Variants in RHEB observed in about 807,000 individuals in gnomAD.
RHEB encodes the protein Ras homolog, mTORC1 binding.
In RHEB, 2 loss-of-function variants were observed where a neutral mutation model predicts 28.8. The observed-to-expected ratio is 0.07, with a 90% CI of 0.03 to 0.22. The LOEUF is 0.22. Among genes scored for constraint, RHEB ranks in the 10% least tolerant of loss-of-function variants. The probability of loss-of-function intolerance (pLI) is 1.00; values close to 1 mark genes in which losing one functional copy is unlikely to be tolerated. For synonymous variants in RHEB, 69 were observed against 77.3 expected, an observed-to-expected ratio of 0.89 and a Z score of 0.56; for missense variants, 76 against 219.9, an observed-to-expected ratio of 0.35 and a Z score of 4.14.
At chr7:151,517,323 G>A (rs911304417) in intron 1 of RHEB, among the ~76,000 whole-genome samples, 19 of 149,510 alleles carry the variant, frequency 1.3e-4, no homozygotes, top group Admixed American at 3.4e-4. Context: ...AGCCGAGATC[G>A]CGCCATTGCA....
rs200443188 is a variant in RHEB, at chr7:151,506,153, G to GA, written c.52+13306dup. 3.2e-3 allele frequency among the ~76,000 whole-genome samples: 482 copies of GA among 149,282 alleles called. 13 individuals carry two copies. The East Asian group carries it at 0.075, about 23-fold the overall frequency. On this transcript the variant is annotated intron_variant, in intron 1 of 7. Transcript: ENST00000262187. Reference sequence around the variant, plus strand: ...TTACACCTCAATAAACTTGATTTAGGAAAAAAAGATTTTTTTTAAAAGATA... The same window carrying GA: ...TTACACCTCAATAAACTTGATTTAGGAAAAAAAAGATTTTTTTTAAAAGATA...
chr7:151,499,295 T>C (rs1483914454), intron 1 of RHEB, among the ~76,000 whole-genome samples: 2 of 152,084 alleles, frequency 1.3e-5, no homozygotes, highest in African/African-American at 2.4e-5. Flanking sequence ...GAGGCAGAGG[T>C]TGCAGTGAGC....
At chr7:151,479,342 G>A (rs994840544) in intron 3 of RHEB, among the ~76,000 whole-genome samples, 3 of 152,094 alleles carry the variant, frequency 2.0e-5, no homozygotes, top group African/African-American at 4.8e-5. Flanking sequence ...AGATGAAAAC[G>A]ATGCGTATGA....
intron 6 of RHEB, among the ~76,000 whole-genome samples, chr7:151,471,062 C>A (rs73729813): frequency 3.1e-4 from 47 of 152,382 alleles, no homozygotes; most frequent in African/African-American, 1.1e-3. Flanking sequence ...GCTGCCTGGG[C>A]AGGGGACATC....
intron 1 of RHEB, among the ~76,000 whole-genome samples, chr7:151,511,765 C>T (rs757359841): frequency 3.9e-5 from 6 of 152,038 alleles, no homozygotes; most frequent in Admixed American, 3.3e-4. Context: ...TCCTGCAGGC[C>T]TCAGCCTCCC....
rs965231748 is a variant in RHEB at position 151,498,259 on chromosome 7, C to T, written c.53-7245G>A. 2.7e-5 allele frequency: 18 copies of T among 673,686 alleles called. No homozygotes were observed. The African/African-American group carries it at 3.0e-4, about 11-fold the overall frequency. The allele number at this position is 673,686 out of a possible 1,614,324, so 41.7% of individuals were successfully genotyped here. The stretch of plus-strand genomic sequence containing the variant: ...AAGAGGAAGAGAAGCAGCTCTCTAA[C>T]TTTAGGGGAAACATCAATGAAAGAA... On this transcript the variant is annotated intron_variant, in intron 1 of 7. Transcript: ENST00000262187.
rs571491506 is a variant in RHEB, at chr7:151,479,649, C to A, written c.193-2234G>T. 1.7e-4 allele frequency among the ~76,000 whole-genome samples: 25 copies of A among 148,210 alleles called. No homozygotes were observed. The South Asian group carries it at 5.3e-3, about 32-fold the overall frequency. On this transcript the variant is annotated intron_variant, in intron 3 of 7. Coordinates refer to ENST00000262187, the MANE Select transcript of RHEB (RefSeq NM_005614.4). ...AGTGAGCCGAGATCGCGCCACAGCA[C>A]TCCAGCCTGGGCGATAGAGCGAGAC...
intron 1 of RHEB, chr7:151,498,052 A>C: frequency 1.7e-6 from 2 of 1,178,114 alleles, no homozygotes; most frequent in South Asian, 2.5e-5. Context: ...ACCTTACAGA[A>C]AATGATCTCA....
Position 151,466,377 on chromosome 7 carries a change from A to G in RHEB, c.*742T>C, listed in dbSNP as rs1802060661. 6.6e-6 allele frequency: 1 copy of G among 152,358 alleles called. No individual in the cohort carries two copies. The highest frequency in any genetic ancestry group is 2.1e-4 in the South Asian group (1 of 4,828). The allele number at this position is 152,358 out of a possible 1,614,324, so 9.4% of individuals were successfully genotyped here. A position where few individuals can be genotyped will look rare whatever the true frequency, so the allele number is the denominator to read the frequency against. On this transcript the variant is annotated 3_prime_UTR_variant, in exon 8 of 8. Coordinates refer to ENST00000262187, the MANE Select transcript of RHEB (RefSeq NM_005614.4). ...GCAAGGGCGAACAATGCCTCTCAGC[A>G]GCTCCTCCTCCTTGACCAGGCTCCC... is the stretch of plus-strand genomic sequence containing the variant.
intron 1 of RHEB, among the ~76,000 whole-genome samples, chr7:151,511,152 T>A (rs1584868622): frequency 6.6e-6 from 1 of 152,120 alleles, no homozygotes; most frequent in African/African-American, 2.4e-5. Context: ...CACAGAAGTC[T>A]TAGAAAAGCA....
chr7:151,501,251 T>C (rs1241926639), intron 1 of RHEB, among the ~76,000 whole-genome samples: 1 of 152,188 alleles, frequency 6.6e-6, no homozygotes, highest in Non-Finnish European at 1.5e-5. Context: ...TTCACTCTCA[T>C]AACTCAACAA....
rs534393798 is a variant in RHEB at position 151,511,572 on chromosome 7, CTT to C, written c.52+7886_52+7887del. Among the ~76,000 whole-genome samples, 231 of 145,860 alleles carry C rather than the reference CTT, an allele frequency of 1.6e-3. 2 individuals carry two copies. The highest frequency in any genetic ancestry group is 5.6e-3 in the African/African-American group (223 of 40,028). On this transcript the variant is annotated intron_variant, in intron 1 of 7. Transcript: ENST00000262187. ...TAAAGCTCCAATCCTACAGGAACTC[CTT>C]TTTTTTTTTTAATAACCAGAAGCCC...
At chr7:151,491,797 T>G (rs778672825) in intron 1 of RHEB, among the ~76,000 whole-genome samples, 19 of 152,164 alleles carry the variant, frequency 1.2e-4, no homozygotes, top group Non-Finnish European at 2.5e-4. Flanking sequence ...AAAAACTCCT[T>G]TGAAGCTAGA....
chr7:151,474,549 T>C, intron 4 of RHEB, among the ~76,000 whole-genome samples: 1 of 152,164 alleles, frequency 6.6e-6, no homozygotes. Context: ...TATATCAATA[T>C]ACCCAATTTA....
chr7:151,483,718 T>G (rs57799189), intron 3 of RHEB, among the ~76,000 whole-genome samples: 1 of 151,834 alleles, frequency 6.6e-6, no homozygotes, highest in South Asian at 2.1e-4. Flanking sequence ...CTCAAAAAAA[T>G]GTTGCAAGGG....
intron 2 of RHEB, among the ~76,000 whole-genome samples, chr7:151,487,088 G>A (rs769988653): frequency 1.3e-5 from 2 of 152,246 alleles, no homozygotes; most frequent in Admixed American, 6.5e-5. Flanking sequence ...AGGACTGCTT[G>A]AGGCCTGGAG....
intron 2 of RHEB, among the ~76,000 whole-genome samples, chr7:151,489,516 C>G (rs766571202): frequency 2.6e-5 from 4 of 152,218 alleles, no homozygotes; most frequent in Non-Finnish European, 5.9e-5. Flanking sequence ...TCCTTCTCTG[C>G]TACCAGCACA....
chr7:151,501,966 C>T (rs931285762), intron 1 of RHEB: 36 of 634,650 alleles, frequency 5.7e-5, no homozygotes, highest in South Asian at 3.5e-4. Flanking sequence ...GGCTGGGCGC[C>T]GTGGCTCACG....
At chr7:151,498,133 A>C in intron 1 of RHEB, 1 of 1,289,686 alleles carries the variant, frequency 7.8e-7, no homozygotes, top group Non-Finnish European at 1.0e-6. Context: ...CGCCCTGCAG[A>C]ACTATAACAC....
Sources: gnomAD v4.1 joint callset for allele counts (sites outside exome capture counted in the v4.1 genomes callset) on GRCh38, gnomAD v4.1.1 for gene constraint, MANE v1.5 for transcripts, NCBI Gene and HGNC (gene_info 2026-07-23, HGNC 2026-07-21) for gene names.